PLEKHA4: variants seen among roughly 807,000 people sequenced by gnomAD.
The protein encoded by PLEKHA4 is pleckstrin homology domain containing A4, also known as pleckstrin homology domain-containing family A member 4.
In PLEKHA4, 73 loss-of-function variants were observed where a neutral mutation model predicts 94.7. The ratio of observed to expected loss-of-function variants is 0.77; its 90% confidence interval spans 0.64 to 0.94. PLEKHA4 has a LOEUF of 0.94. Among genes scored for constraint, PLEKHA4 ranks in the 40% least tolerant of loss-of-function variants. The pLI, the probability that PLEKHA4 is intolerant of heterozygous loss-of-function variation, is 0.00. For missense variants in PLEKHA4, 1,049 were observed against 1,054.1 expected, an observed-to-expected ratio of 1.00 and a Z score of 0.07; for synonymous variants, 449 against 437.1, an observed-to-expected ratio of 1.03 and a Z score of -0.34.
At chr19:48,839,354 G>T in intron 17 of PLEKHA4, 91 bp from the exon 18 acceptor site, 1 of 813,582 alleles carries the variant, frequency 1.2e-6, no homozygotes. Context: ...AAAAGAGAAT[G>T]AAATTGCCCA....
At chr19:48,851,167 T>C (rs1183684914) in intron 13 of PLEKHA4, among the ~76,000 whole-genome samples, 1 of 151,920 alleles carries the variant, frequency 6.6e-6, no homozygotes, top group Non-Finnish European at 1.5e-5. Context: ...TAAAAGAGTA[T>C]AATGGATTGT....
intron 9 of PLEKHA4, among the ~76,000 whole-genome samples, chr19:48,856,513 T>A (rs1599907656): frequency 6.6e-6 from 1 of 151,184 alleles, no homozygotes; most frequent in African/African-American, 2.4e-5. Context: ...AGGTTAGGAG[T>A]TCGAGACCAG....
At chr19:48,845,319 G>C in intron 16 of PLEKHA4, 51 bp downstream of exon 16, 1 of 1,554,796 alleles carries the variant, frequency 6.4e-7, no homozygotes, top group Non-Finnish European at 8.9e-7. Flanking sequence ...CAGAAGTGTG[G>C]GGGTCCCTGA....
intron 8 of PLEKHA4, among the ~76,000 whole-genome samples, chr19:48,858,279 A>C (rs893669710): frequency 1.3e-5 from 2 of 152,108 alleles, no homozygotes; most frequent in African/African-American, 4.8e-5. Context: ...CTCTCACCGC[A>C]CTGTCTTGGC....
chr19:48,845,461 C>T lies in PLEKHA4; in HGVS notation c.1667-15G>A, dbSNP rs1244725892. The T allele has an allele frequency of 3.7e-6, 6 of 1,613,822 alleles. No individual in the cohort carries two copies. Among genetic ancestry groups the T allele is most frequent in the African/African-American group, 2.7e-5 (2 of 74,874 alleles). On this transcript the variant is annotated splice_polypyrimidine_tract_variant and intron_variant, in intron 15 of 19. Transcript: ENST00000263265. ...AGACCCAAGACCTGGAAAGACAGAA[C>T]GGGACTTGGTGAGGACGGGAATTTC...
intron 12 of PLEKHA4, among the ~76,000 whole-genome samples, chr19:48,853,475 G>T (rs2036279649): frequency 6.6e-6 from 1 of 150,858 alleles, no homozygotes; most frequent in African/African-American, 2.5e-5. Context: ...CTCCAGCCTG[G>T]GCGACAGAGC....
In PLEKHA4 at chr19:48,839,481, T is replaced by A. The variant is rs573834710; in HGVS notation, c.1906-218A>T. 2.0e-5 allele frequency among the ~76,000 whole-genome samples: 3 copies of A among 152,308 alleles called. No individual in the cohort carries two copies. In the East Asian group the frequency reaches 5.8e-4, roughly 29 times the overall value. On this transcript the variant is annotated intron_variant, in intron 17 of 19. Transcript: ENST00000263265. ...GAAAGGATGGAGTACAGTGGTGTGA[T>A]CATAACTCACTGTAGTCTCGACTTC...
intron 17 of PLEKHA4, among the ~76,000 whole-genome samples, chr19:48,839,711 G>A (rs1278988772): frequency 6.6e-6 from 1 of 151,472 alleles, no homozygotes; most frequent in Non-Finnish European, 1.5e-5. Flanking sequence ...GACTGACAAT[G>A]TTTAACTTTA....
chr19:48,856,300 A>C lies in PLEKHA4; in HGVS notation c.1047+1122T>G, dbSNP rs184654831. On this transcript the variant is annotated intron_variant, in intron 9 of 19. Coordinates refer to ENST00000263265, the MANE Select transcript of PLEKHA4 (RefSeq NM_020904.3). Reference sequence around the variant, plus strand: ...GGGGAAAGAAAGAAAGAAAGGAAGGAAGGCCAGTCGCGGTGGCTCACGCCT... The same window carrying C: ...GGGGAAAGAAAGAAAGAAAGGAAGGCAGGCCAGTCGCGGTGGCTCACGCCT... Among the ~76,000 whole-genome samples the C allele has an allele frequency of 8.0e-5, 12 of 149,294 alleles. No homozygotes were observed. In the South Asian group the frequency reaches 2.4e-3, roughly 30 times the overall value.
chr19:48,862,512 C>CT (rs911007907), intron 3 of PLEKHA4, among the ~76,000 whole-genome samples: 1 of 147,204 alleles, frequency 6.8e-6, no homozygotes, highest in Non-Finnish European at 1.5e-5. Flanking sequence ...CCCCCACTTT[C>CT]TTTTTTTGTT....
Position 48,845,499 on chromosome 19 carries a change from CCCAA to C in PLEKHA4, c.1666+14_1666+17del, listed in dbSNP as rs2035933808. On this transcript the variant is annotated intron_variant, in intron 15 of 19. Coordinates refer to ENST00000263265, the MANE Select transcript of PLEKHA4 (RefSeq NM_020904.3). ...GGACGGGAATTTCCGTAAAGTCCCA[CCCAA>C]CCAGGATGCTCACCTAAGTGAGGGC... The C allele has an allele frequency of 1.2e-6, 2 of 1,613,224 alleles. No homozygotes were observed. Among genetic ancestry groups the C allele is most frequent in the Non-Finnish European group, 1.7e-6 (2 of 1,179,576 alleles).
chr19:48,853,077 A>G (rs547666341), intron 12 of PLEKHA4, among the ~76,000 whole-genome samples: 8 of 152,188 alleles, frequency 5.3e-5, no homozygotes, highest in African/African-American at 9.7e-5. Flanking sequence ...TTTAATTCCT[A>G]TGAGGTAGTT....
chr19:48,860,229 G>A lies in PLEKHA4; in HGVS notation c.476+121C>T. The stretch of plus-strand genomic sequence containing the variant: ...GGAGGTGGGGCCTAGAAGACGAGGC[G>A]CCTTAGCTAGAAGACTGGTGATTGG... On this transcript the variant is annotated intron_variant, in intron 6 of 19. Transcript: ENST00000263265. 4 of 800,440 alleles carry A rather than the reference G, an allele frequency of 5.0e-6. No homozygotes were observed. In the South Asian group the frequency reaches 5.0e-5, roughly 10 times the overall value. The allele number at this position is 800,440 out of a possible 1,614,324, so 49.6% of individuals were successfully genotyped here. A position where few individuals can be genotyped will look rare whatever the true frequency, so the allele number is the denominator to read the frequency against.
chr19:48,863,121 A>G (rs2036706566), intron 3 of PLEKHA4, among the ~76,000 whole-genome samples: 1 of 152,166 alleles, frequency 6.6e-6, no homozygotes, highest in African/African-American at 2.4e-5. Flanking sequence ...TCCTCAACCC[A>G]TTCCCATAGA....
chr19:48,854,577 C>T (rs1156665553), intron 9 of PLEKHA4, among the ~76,000 whole-genome samples: 4 of 150,894 alleles, frequency 2.7e-5, no homozygotes, highest in Non-Finnish European at 4.4e-5. Context: ...GTTTTGGTAG[C>T]GATGGGGTTT....
chr19:48,864,597 G>T (rs1317271545), intron 3 of PLEKHA4, among the ~76,000 whole-genome samples: 1 of 152,006 alleles, frequency 6.6e-6, no homozygotes, highest in Non-Finnish European at 1.5e-5. Flanking sequence ...GTCTCACTCT[G>T]TCACCCAGGC....
rs755069706 is a variant in PLEKHA4 at position 48,841,299 on chromosome 19, G to T, written c.1755C>A (p.Ala585=). ...GCTCCTGGGCACTCATCCGGGGCCG[G>T]GCCACCGGGGCCTAGGGAGGCGAGA... ...SPQLGTKAPV[A]RPRMSAQEQL... Residue 585 remains alanine (A), a synonymous_variant, in exon 17 of 20, where the codon GCC becomes GCA. Coordinates refer to ENST00000263265, the MANE Select transcript of PLEKHA4 (RefSeq NM_020904.3). 9 of 1,609,764 alleles carry T rather than the reference G, an allele frequency of 5.6e-6. No homozygotes were observed. The highest frequency in any genetic ancestry group is 6.8e-6 in the Non-Finnish European group (8 of 1,178,098).
intron 14 of PLEKHA4, among the ~76,000 whole-genome samples, chr19:48,845,838 C>A (rs144395124): frequency 0.06 from 9,067 of 151,308 alleles, 665 homozygotes; most frequent in African/African-American, 0.18. Context: ...TAGTGAAAAC[C>A]CGTCTCTACT....
At chr19:48,850,546 G>A (rs548235020) in intron 13 of PLEKHA4, among the ~76,000 whole-genome samples, 4 of 151,780 alleles carry the variant, frequency 2.6e-5, no homozygotes, top group South Asian at 2.1e-4. Context: ...GGCTGTGTGC[G>A]GTGGCTCACG....
Sources: gnomAD v4.1 joint callset for allele counts (sites outside exome capture counted in the v4.1 genomes callset) on GRCh38, gnomAD v4.1.1 for gene constraint, MANE v1.5 for transcripts, NCBI Gene and HGNC (gene_info 2026-07-23, HGNC 2026-07-21) for gene names.